The following RYR2 variants were observed in gnomAD, a reference collection of about 807,000 sequenced individuals.
RYR2 encodes ryanodine receptor 2.
In RYR2, 227 loss-of-function variants were observed where a neutral mutation model predicts 601.1. The ratio of observed to expected loss-of-function variants is 0.38; its 90% CI spans 0.34 to 0.42. The LOEUF (loss-of-function observed/expected upper bound fraction) is 0.42. RYR2 is among the 10% of genes least tolerant of loss of function. The pLI, the probability that RYR2 is intolerant of heterozygous loss-of-function variation, is 1.00. For synonymous variants in RYR2, 2,223 were observed against 2,175.1 expected (o/e 1.02, Z -0.61); for missense variants, 4,646 against 6,156.5 (o/e 0.75, Z 8.21).
intron 3 of RYR2, among the ~76,000 whole-genome samples, chr1:237,335,223 T>G (rs1697132525): frequency 2.0e-5 from 3 of 152,212 alleles, no homozygotes; most frequent in African/African-American, 7.2e-5. Context: ...CCATGTGTTT[T>G]GTAGTTAATA....
At chr1:237,505,512 T>C (rs1195760954) in intron 22 of RYR2, among the ~76,000 whole-genome samples, 1 of 152,202 alleles carries the variant, frequency 6.6e-6, no homozygotes, top group Admixed American at 6.5e-5. Context: ...AAAATAAACA[T>C]GCAAACATTG....
At chr1:237,483,020 T>C (rs746272670) in intron 17 of RYR2, among the ~76,000 whole-genome samples, 11 of 152,224 alleles carry the variant, frequency 7.2e-5, no homozygotes, top group Non-Finnish European at 1.5e-4. Context: ...TTCTGCCCAC[T>C]TGCCCTCCTT....
At chr1:237,664,026 A>G (rs1056205490) in intron 56 of RYR2, among the ~76,000 whole-genome samples, 1 of 152,216 alleles carries the variant, frequency 6.6e-6, no homozygotes, top group South Asian at 2.1e-4. Context: ...ACAGCAAAAA[A>G]CATTTCTGAC....
At chr1:237,097,853 A>T (rs1205033627) in intron 1 of RYR2, among the ~76,000 whole-genome samples, 1 of 152,192 alleles carries the variant, frequency 6.6e-6, no homozygotes, top group African/African-American at 2.4e-5. Flanking sequence ...CAAGCCTCAT[A>T]TGCTGTGATG....
In RYR2 at chr1:237,718,452, T is replaced by C. The variant is rs750850264; in HGVS notation, c.10495-10T>C. 1.3e-5 allele frequency: 19 copies of C among 1,502,774 alleles called. No individual in the cohort carries two copies. In the East Asian group the frequency reaches 3.9e-4, roughly 30 times the overall value. The allele number at this position is 1,502,774 out of a possible 1,614,324, so 93.1% of individuals were successfully genotyped here. On this transcript the variant is annotated splice_polypyrimidine_tract_variant and intron_variant, in intron 72 of 104. Transcript: ENST00000366574. ...AAGACTCCTTTTAGGTAACATATAT[T>C]TCTTGACAGAAAGATACCGAGGATG...
intron 34 of RYR2, among the ~76,000 whole-genome samples, chr1:237,598,721 C>T (rs1280216140): frequency 6.6e-6 from 1 of 151,936 alleles, no homozygotes; most frequent in African/African-American, 2.4e-5. Context: ...AAAAATAAAC[C>T]ACCTAATATT....
At position 237,342,341 on chromosome 1, in the gene RYR2, A is replaced by T. The variant is rs578057494; in HGVS notation, c.273+11359A>T. Among the ~76,000 whole-genome samples the T allele has an allele frequency of 1.5e-4, 22 of 144,216 alleles. No individual in the cohort carries two copies. The South Asian group carries it at 4.2e-3, about 28-fold the overall frequency. The allele number at this position is 144,216 out of a possible 152,430, so 94.6% of individuals were successfully genotyped here. A position where few individuals can be genotyped will look rare whatever the true frequency, so the allele number is the denominator to read the frequency against. On this transcript the variant is annotated intron_variant, in intron 3 of 104. Transcript: ENST00000366574. ...TTTTTTTTTTTTTTTTTTGGTAAAG[A>T]TAGGTTCTTGGTATATTGCCCAGGC...
chr1:237,822,040 A>G (rs962117137), intron 101 of RYR2, among the ~76,000 whole-genome samples: 12 of 152,036 alleles, frequency 7.9e-5, no homozygotes, highest in Non-Finnish European at 1.8e-4. Context: ...AAGACCAAAT[A>G]TACGTTTGAT....
intron 3 of RYR2, among the ~76,000 whole-genome samples, chr1:237,354,724 C>G (rs1268689372): frequency 1.3e-5 from 2 of 151,984 alleles, no homozygotes; most frequent in African/African-American, 4.8e-5. Context: ...AAGAAAATAT[C>G]TTGAAAAATG....
At chr1:237,048,631 A>C (rs574086580) in intron 1 of RYR2, among the ~76,000 whole-genome samples, 6 of 152,226 alleles carry the variant, frequency 3.9e-5, no homozygotes, top group African/African-American at 1.2e-4. Flanking sequence ...CACTCTAACC[A>C]ATTCCGATTT....
intron 1 of RYR2, among the ~76,000 whole-genome samples, chr1:237,268,422 T>C (rs1271150215): frequency 6.6e-6 from 1 of 152,216 alleles, no homozygotes; most frequent in Non-Finnish European, 1.5e-5. Flanking sequence ...GTTTTTATTA[T>C]AGCCACACTG....
chr1:237,396,614 T>G (rs1187946965), intron 10 of RYR2, among the ~76,000 whole-genome samples: 1 of 152,226 alleles, frequency 6.6e-6, no homozygotes. Flanking sequence ...TCAAGTTTTC[T>G]GCAAGGCATC....
chr1:237,336,483 ATTAT>A (rs1350713110), intron 3 of RYR2, among the ~76,000 whole-genome samples: 1 of 152,220 alleles, frequency 6.6e-6, no homozygotes, highest in Non-Finnish European at 1.5e-5. Context: ...CAATGACTTA[ATTAT>A]TAACAGAGGT....
At chr1:237,827,808 G>T (rs1272729509) in intron 101 of RYR2, among the ~76,000 whole-genome samples, 1 of 151,480 alleles carries the variant, frequency 6.6e-6, no homozygotes, top group East Asian at 1.9e-4. Context: ...GTGGCAGTGT[G>T]TGCCTGTAGT....
At position 237,614,549 on chromosome 1, in the gene RYR2, G is replaced by A; in HGVS notation, c.5421G>A (p.Arg1807=). 6.2e-7 allele frequency: 1 copy of A among 1,614,034 alleles called. No homozygotes were observed. Among genetic ancestry groups the A allele is most frequent in the Non-Finnish European group, 8.5e-7 (1 of 1,179,896 alleles). The change falls in exon 37 of 105, where the codon CGG becomes CGA. Residue 1807 remains arginine (R), a synonymous_variant. Coordinates refer to ENST00000366574, the MANE Select transcript of RYR2 (RefSeq NM_001035.3). This position sits in a 1 kb window ranked among gnomAD's most constrained non-coding sequence, Gnocchi z 4.3. ...EAVKEGSLHA[R]DPVGGTTEFL... The stretch of plus-strand genomic sequence containing the variant: ...TTAAAGAGGGCAGTCTTCATGCCCG[G>A]GACCCAGTTGGAGGGACTACTGAAT...
chr1:237,096,379 C>A (rs563128166), intron 1 of RYR2, among the ~76,000 whole-genome samples: 63 of 152,250 alleles, frequency 4.1e-4, no homozygotes, highest in African/African-American at 1.4e-3. Flanking sequence ...GAACCTTCTC[C>A]TTTTGTTTCA....
rs192427186 is a variant in RYR2 at position 237,453,078 on chromosome 1, A to G, written c.1293-1313A>G. Among the ~76,000 whole-genome samples, 14 of 152,194 alleles carry G rather than the reference A, an allele frequency of 9.2e-5. No homozygotes were observed. In the East Asian group the frequency reaches 2.7e-3, roughly 29 times the overall value. ...ATTAACAGTTGAGTTTGAATTTGTT[A>G]TACATTTATTTATGTTTAATTGGAG... On this transcript the variant is annotated intron_variant, in intron 14 of 104. Transcript: ENST00000366574.
At chr1:237,419,358 C>T (rs1470661830) in intron 11 of RYR2, among the ~76,000 whole-genome samples, 6 of 150,736 alleles carry the variant, frequency 4.0e-5, no homozygotes, top group African/African-American at 9.7e-5. Context: ...TTATTGTTAT[C>T]GATACTATTG....
At chr1:237,489,435 T>A (rs2150401562) in intron 17 of RYR2, among the ~76,000 whole-genome samples, 1 of 152,270 alleles carries the variant, frequency 6.6e-6, no homozygotes. Context: ...GGTGGGCGGA[T>A]CGCCTGAGAT....
Sources: gnomAD v4.1 joint callset for allele counts (sites outside exome capture counted in the v4.1 genomes callset) on GRCh38, gnomAD v4.1.1 for gene constraint, Gnocchi (gnomAD v3.1) non-coding constraint, MANE v1.5 for transcripts, NCBI Gene and HGNC (gene_info 2026-07-23, HGNC 2026-07-21) for gene names.